Variants in USP10 observed in about 807,000 individuals in gnomAD.
The protein encoded by USP10 is ubiquitin carboxyl-terminal hydrolase 10.
Under a neutral mutation model 84.5 loss-of-function variants are expected in USP10, and 22 were observed. The observed-to-expected ratio is 0.26, with a 90% CI of 0.19 to 0.37. USP10 has a LOEUF of 0.37. Ranked by LOEUF, USP10 falls within the 10% of genes least tolerant of loss-of-function variation. USP10 has a pLI of 1.00. For missense variants in USP10, 1,019 were observed against 998.9 expected, an observed-to-expected ratio of 1.02 and a Z score of -0.27; for synonymous variants, 454 against 387.6, an observed-to-expected ratio of 1.17 and a Z score of -2.01.
rs529380746 is a variant in USP10 at position 84,749,120 on chromosome 16, G to T, written c.1192+3447G>T. Among the ~76,000 whole-genome samples the T allele has an allele frequency of 8.5e-5, 13 of 152,252 alleles. No individual in the cohort carries two copies. The East Asian group carries it at 2.5e-3, about 29-fold the overall frequency. ...AATAGAGTCACATTGAATAACCCTT[G>T]GGATCATATAGGGCTTAGGGAGAAT... is the stretch of plus-strand genomic sequence containing the variant. On this transcript the variant is annotated intron_variant, in intron 4 of 13. Transcript: ENST00000219473.
At chr16:84,732,281 A>C (rs2150798435) in intron 1 of USP10, among the ~76,000 whole-genome samples, 1 of 152,320 alleles carries the variant, frequency 6.6e-6, no homozygotes, top group African/African-American at 2.4e-5. Flanking sequence ...TAGACTGTTT[A>C]GTTCCATTAG....
At chr16:84,701,264 C>T (rs1482840612) in intron 1 of USP10, among the ~76,000 whole-genome samples, 1 of 152,164 alleles carries the variant, frequency 6.6e-6, no homozygotes, top group Non-Finnish European at 1.5e-5. Context: ...AAAATTAGAT[C>T]TTACGACAAG....
intron 10 of USP10, among the ~76,000 whole-genome samples, chr16:84,766,154 C>T (rs1021986812): frequency 2.0e-5 from 3 of 152,220 alleles, no homozygotes; most frequent in Admixed American, 1.3e-4. Context: ...CAACTTTCAA[C>T]AGGTGAATAA....
intron 2 of USP10, among the ~76,000 whole-genome samples, chr16:84,738,675 A>G (rs984862972): frequency 6.6e-5 from 10 of 152,226 alleles, no homozygotes; most frequent in African/African-American, 2.4e-4. Context: ...GGTGGAGATA[A>G]GTGCAGCTGT....
At chr16:84,721,004 C>G (rs1476893816) in intron 1 of USP10, among the ~76,000 whole-genome samples, 3 of 151,660 alleles carry the variant, frequency 2.0e-5, no homozygotes, top group Non-Finnish European at 4.4e-5. Flanking sequence ...AGCTATTTTC[C>G]TGCCTCAGCC....
intron 2 of USP10, among the ~76,000 whole-genome samples, chr16:84,737,937 T>G (rs1198644977): frequency 6.6e-6 from 1 of 152,272 alleles, no homozygotes; most frequent in Non-Finnish European, 1.5e-5. Flanking sequence ...CCACTTGGCT[T>G]GTCCTCAGCG....
intron 1 of USP10, among the ~76,000 whole-genome samples, chr16:84,729,216 A>G (rs372509439): frequency 2.2e-4 from 34 of 152,396 alleles, no homozygotes; most frequent in African/African-American, 7.5e-4. Flanking sequence ...TCACATTTGT[A>G]TGGATTATTT....
chr16:84,753,552 C>T (rs760912022), intron 4 of USP10, among the ~76,000 whole-genome samples: 11 of 152,040 alleles, frequency 7.2e-5, no homozygotes, highest in Non-Finnish European at 1.5e-4. Context: ...CTTACCTGTT[C>T]CAGGTGCGGA....
chr16:84,724,711 C>T (rs926472705), intron 1 of USP10, among the ~76,000 whole-genome samples: 1 of 152,180 alleles, frequency 6.6e-6, no homozygotes, highest in African/African-American at 2.4e-5. Context: ...CTGTAAATGT[C>T]ACCATGCCCT....
chr16:84,760,871 G>T (rs1389227223), intron 8 of USP10, among the ~76,000 whole-genome samples: 1 of 152,160 alleles, frequency 6.6e-6, no homozygotes, highest in African/African-American at 2.4e-5. Flanking sequence ...GATTGAGTTT[G>T]TGATGAATCA....
rs142526964 is a variant in USP10 at position 84,747,808 on chromosome 16, C to G, written c.1192+2135C>G. Reference sequence around the variant, plus strand: ...CCTCAAACTCCTGACCTCAAGTGATCTGCTCGCTTCAGCCTCCCAAAGTGT... The same window carrying G: ...CCTCAAACTCCTGACCTCAAGTGATGTGCTCGCTTCAGCCTCCCAAAGTGT... On this transcript the variant is annotated intron_variant, in intron 4 of 13. Coordinates refer to ENST00000219473, the MANE Select transcript of USP10 (RefSeq NM_005153.3). Among the ~76,000 whole-genome samples, 1,298 of 152,038 alleles carry G rather than the reference C, an allele frequency of 8.5e-3. 20 individuals carry two copies. Among genetic ancestry groups the G allele is most frequent in the African/African-American group, 0.03 (1,254 of 41,454 alleles).
intron 4 of USP10, among the ~76,000 whole-genome samples, chr16:84,746,045 CT>C (rs1198933306): frequency 6.6e-6 from 1 of 150,538 alleles, no homozygotes; most frequent in African/African-American, 2.4e-5. Context: ...CTGTGTGCTC[CT>C]TTTTTATATT....
chr16:84,779,267 C>A lies in USP10; in HGVS notation c.*185C>A. On this transcript the variant is annotated 3_prime_UTR_variant, in exon 14 of 14. Transcript: ENST00000219473. ...CACAGCTTCTGTTGACTCTAACTTCCAAATCAAAATCATTTGGTTGAAACA... is the reference window on the plus strand; with the variant it reads ...CACAGCTTCTGTTGACTCTAACTTCAAAATCAAAATCATTTGGTTGAAACA... The A allele has an allele frequency of 3.5e-6, 2 of 565,500 alleles. No individual in the cohort carries two copies. The highest frequency in any genetic ancestry group is 6.0e-6 in the Non-Finnish European group (2 of 335,748). 35.0% of individuals were successfully genotyped at this position (565,500 alleles called of 1,614,324 possible). A position where few individuals can be genotyped will look rare whatever the true frequency, so the allele number is the denominator to read the frequency against.
intron 11 of USP10, among the ~76,000 whole-genome samples, chr16:84,770,145 A>G (rs1047223565): frequency 6.6e-6 from 1 of 152,144 alleles, no homozygotes; most frequent in African/African-American, 2.4e-5. Flanking sequence ...GAAAGCTGGC[A>G]TTTTGGTGGA....
intron 1 of USP10, among the ~76,000 whole-genome samples, chr16:84,708,452 A>G (rs942985885): frequency 2.6e-5 from 4 of 152,336 alleles, no homozygotes; most frequent in African/African-American, 7.2e-5. Flanking sequence ...CTCCATCTCA[A>G]AAAACAAAAA....
chr16:84,759,334 C>T, intron 5 of USP10, 29 bp from the exon 6 acceptor site: 1 of 1,603,068 alleles, frequency 6.2e-7, no homozygotes, highest in Non-Finnish European at 8.5e-7. Context: ...TGTTCATTTC[C>T]TTTACGCTTC....
rs188940313 is a variant in USP10, at chr16:84,764,484, C to A, written c.1832+221C>A. Among the ~76,000 whole-genome samples the A allele has an allele frequency of 4.9e-4, 74 of 152,268 alleles. 2 individuals carry two copies. In the East Asian group the frequency reaches 0.013, roughly 27 times the overall value. ...GCATGTCTGCAGGGGACAGGGAGCT[C>A]CTCCCTTCTACTCTGTCAAGTTCAG... is the stretch of plus-strand genomic sequence containing the variant. On this transcript the variant is annotated intron_variant, in intron 10 of 13. Transcript: ENST00000219473.
chr16:84,775,584 T>TCACCCAGCCAGGTTGGGTGAGCGCG (rs1914921867), intron 13 of USP10, among the ~76,000 whole-genome samples: 1 of 152,182 alleles, frequency 6.6e-6, no homozygotes, highest in Non-Finnish European at 1.5e-5. Context: ...CGACACCTGG[T>TCACCCAGCCAGGTTGGGTGAGCGCG]CACCCAGCCA....
At chr16:84,762,949 G>C (rs978721987) in intron 8 of USP10, 40 bp from the exon 9 acceptor site, 1 of 1,334,216 alleles carries the variant, frequency 7.5e-7, no homozygotes, top group East Asian at 2.4e-5. Context: ...CTTTGACAGT[G>C]ATCAGTTCAC....
Sources: allele counts gnomAD v4.1 joint callset (sites outside exome capture counted in the v4.1 genomes callset), GRCh38; gene constraint gnomAD v4.1.1; transcripts MANE v1.5; gene names NCBI Gene and HGNC (gene_info 2026-07-23, HGNC 2026-07-21).